ATRNL1: variants seen among roughly 807,000 people sequenced by gnomAD.
ATRNL1 encodes attractin-like protein 1.
Under a neutral mutation model 182.7 loss-of-function variants are expected in ATRNL1, and 95 were observed. The ratio of observed to expected loss-of-function variants is 0.52; its 90% CI spans 0.44 to 0.62. The LOEUF (loss-of-function observed/expected upper bound fraction) is 0.62, where lower values mean the gene tolerates loss of function less well. Among genes scored for constraint, ATRNL1 ranks in the 20% least tolerant of loss-of-function variants. ATRNL1 has a pLI of 0.00. For synonymous variants in ATRNL1, 576 were observed against 568.3 expected (o/e 1.01, Z -0.19); for missense variants, 1,471 against 1,679.5 (o/e 0.88, Z 2.17).
chr10:115,389,814 A>G (rs1438840978), intron 19 of ATRNL1, among the ~76,000 whole-genome samples: 9 of 151,652 alleles, frequency 5.9e-5, no homozygotes, highest in African/African-American at 1.7e-4. Flanking sequence ...ATTTTCACCA[A>G]CAGTACACAT....
intron 25 of ATRNL1, among the ~76,000 whole-genome samples, chr10:115,534,108 T>C (rs1445889545): frequency 6.6e-6 from 1 of 152,148 alleles, no homozygotes; most frequent in African/African-American, 2.4e-5. Context: ...GTTCTGTAGA[T>C]GTCTATTAGG....
chr10:115,486,817 C>G (rs187808903), intron 24 of ATRNL1, among the ~76,000 whole-genome samples: 7 of 152,264 alleles, frequency 4.6e-5, no homozygotes, highest in African/African-American at 1.4e-4. Context: ...TTGCCCATGC[C>G]TATGTCCTGA....
At chr10:115,579,200 A>G (rs545487041) in intron 26 of ATRNL1, among the ~76,000 whole-genome samples, 15 of 151,894 alleles carry the variant, frequency 9.9e-5, no homozygotes, top group Middle Eastern at 3.4e-3. Context: ...TGTTCTATAT[A>G]TGTTGATTAG....
chr10:115,581,362 G>A (rs1555007315), intron 26 of ATRNL1, among the ~76,000 whole-genome samples: 1 of 152,026 alleles, frequency 6.6e-6, no homozygotes, highest in Non-Finnish European at 1.5e-5. Context: ...GATATGTATT[G>A]TCAGGGAGAA....
intron 8 of ATRNL1, among the ~76,000 whole-genome samples, chr10:115,183,191 C>G (rs1175507341): frequency 6.6e-6 from 1 of 151,168 alleles, no homozygotes; most frequent in Non-Finnish European, 1.5e-5. Flanking sequence ...GTAAAAGCAA[C>G]ACATATAAAG....
intron 24 of ATRNL1, among the ~76,000 whole-genome samples, chr10:115,487,984 G>A (rs555996374): frequency 7.2e-5 from 11 of 151,940 alleles, no homozygotes; most frequent in African/African-American, 1.2e-4. Context: ...TGAGATAATC[G>A]TGTTTTTTGT....
At chr10:115,718,948 C>T (rs1281930054) in intron 26 of ATRNL1, among the ~76,000 whole-genome samples, 3 of 152,054 alleles carry the variant, frequency 2.0e-5, no homozygotes, top group African/African-American at 7.2e-5. Flanking sequence ...AGAGTCACCC[C>T]ATACATCAGT....
At position 115,947,171 on chromosome 10, in the gene ATRNL1, A is replaced by G. The variant is rs1555126032; in HGVS notation, c.*2392A>G. ...CTTTGCCCTCAGGTGAAGTGGATTG[A>G]AAAGACATCAAGGATCAAGGATAAT... is the stretch of plus-strand genomic sequence containing the variant. On this transcript the variant is annotated 3_prime_UTR_variant, in exon 29 of 29. Coordinates refer to ENST00000355044, the MANE Select transcript of ATRNL1 (RefSeq NM_207303.4). 1 of 152,638 alleles carries G rather than the reference A, an allele frequency of 6.6e-6. No homozygotes were observed. The highest frequency in any genetic ancestry group is 1.5e-5 in the Non-Finnish European group (1 of 68,024). The allele number at this position is 152,638 out of a possible 1,614,324, so 9.5% of individuals were successfully genotyped here. A position where few individuals can be genotyped will look rare whatever the true frequency, so the allele number is the denominator to read the frequency against.
At chr10:115,904,216 G>C (rs1404766984) in intron 28 of ATRNL1, among the ~76,000 whole-genome samples, 1 of 152,190 alleles carries the variant, frequency 6.6e-6, no homozygotes, top group African/African-American at 2.4e-5. Flanking sequence ...ACTCCCACCA[G>C]GCTCAGCATT....
intron 9 of ATRNL1, among the ~76,000 whole-genome samples, chr10:115,228,742 G>C (rs556545619): frequency 6.7e-6 from 1 of 149,928 alleles, no homozygotes; most frequent in Non-Finnish European, 1.5e-5. Flanking sequence ...AGGGAAAAAA[G>C]ACTTCAATTA....
At chr10:115,747,440 T>C (rs1948324903) in intron 27 of ATRNL1, among the ~76,000 whole-genome samples, 1 of 152,104 alleles carries the variant, frequency 6.6e-6, no homozygotes, top group Non-Finnish European at 1.5e-5. Flanking sequence ...AACTCAGTGG[T>C]AATACTGGGA....
intron 28 of ATRNL1, among the ~76,000 whole-genome samples, chr10:115,890,611 G>A (rs74160714): frequency 0.011 from 1,735 of 152,180 alleles, 32 homozygotes; most frequent in African/African-American, 0.039. Flanking sequence ...TTAGAGAAAC[G>A]TACACTTTCT....
chr10:115,768,641 A>G (rs2072825175), intron 27 of ATRNL1, among the ~76,000 whole-genome samples: 1 of 152,138 alleles, frequency 6.6e-6, no homozygotes, highest in South Asian at 2.1e-4. Context: ...AACTTTATGT[A>G]TCTTCTTCAC....
intron 27 of ATRNL1, 123 bp downstream of exon 27, chr10:115,727,478 C>A: frequency 1.4e-6 from 1 of 728,918 alleles, no homozygotes; most frequent in Admixed American, 2.6e-5. Flanking sequence ...CAAGATTCAG[C>A]TACATATGTT....
intron 26 of ATRNL1, among the ~76,000 whole-genome samples, chr10:115,703,762 A>G (rs1946812505): frequency 6.6e-6 from 1 of 151,906 alleles, no homozygotes; most frequent in Non-Finnish European, 1.5e-5. Context: ...AAAGAAAACC[A>G]GAATGCTCTA....
intron 26 of ATRNL1, among the ~76,000 whole-genome samples, chr10:115,657,597 G>A (rs986571100): frequency 2.0e-5 from 3 of 152,166 alleles, no homozygotes; most frequent in African/African-American, 7.2e-5. Flanking sequence ...ATGTCATGCA[G>A]GAGTCACGAT....
chr10:115,791,152 C>T (rs1949523020), intron 27 of ATRNL1, among the ~76,000 whole-genome samples: 1 of 152,154 alleles, frequency 6.6e-6, no homozygotes, highest in Non-Finnish European at 1.5e-5. Context: ...TACTTCCTTA[C>T]CTGCTTCAAG....
chr10:115,862,635 G>C (rs1555103759), intron 28 of ATRNL1, among the ~76,000 whole-genome samples: 1 of 152,196 alleles, frequency 6.6e-6, no homozygotes, highest in African/African-American at 2.4e-5. Flanking sequence ...TGTTGGAGGG[G>C]AATTTGACAA....
intron 15 of ATRNL1, among the ~76,000 whole-genome samples, chr10:115,294,111 T>G (rs1853059163): frequency 6.6e-6 from 1 of 152,240 alleles, no homozygotes; most frequent in Admixed American, 6.5e-5. Flanking sequence ...TCACTAAATG[T>G]TTCTTGTAAA....
Sources: gnomAD v4.1 joint callset for allele counts (sites outside exome capture counted in the v4.1 genomes callset) on GRCh38, gnomAD v4.1.1 for gene constraint, MANE v1.5 for transcripts, NCBI Gene and HGNC (gene_info 2026-07-23, HGNC 2026-07-21) for gene names.